STRN: variants seen among roughly 807,000 people sequenced by gnomAD.
STRN encodes the protein striatin, also known as protein phosphatase 2 regulatory subunit B'''alpha.
In STRN, 53 loss-of-function variants were observed where a neutral mutation model predicts 96.3. That is an observed-to-expected ratio of 0.55 (90% CI 0.44 to 0.69). The LOEUF (loss-of-function observed/expected upper bound fraction) is 0.69, where lower values mean the gene tolerates loss of function less well. STRN is among the 30% of genes least tolerant of loss of function. STRN has a pLI of 0.00. For missense variants in STRN, 987 were observed against 963.9 expected, an observed-to-expected ratio of 1.02 and a Z score of -0.32; for synonymous variants, 428 against 355.9, an observed-to-expected ratio of 1.20 and a Z score of -2.28.
Position 36,848,806 on chromosome 2 carries a change from C to A in STRN, c.*650G>T, listed in dbSNP as rs1322346439. The A allele has an allele frequency of 2.0e-5, 3 of 152,484 alleles. No homozygotes were observed. The highest frequency in any genetic ancestry group is 1.5e-5 in the Non-Finnish European group (1 of 68,002). The allele number at this position is 152,484 out of a possible 1,614,324, so 9.4% of individuals were successfully genotyped here. A position where few individuals can be genotyped will look rare whatever the true frequency, so the allele number is the denominator to read the frequency against. On this transcript the variant is annotated 3_prime_UTR_variant, in exon 18 of 18. Coordinates refer to ENST00000263918, the MANE Select transcript of STRN (RefSeq NM_003162.4). ...CAAAACTGTAATACAATATAGAAAT[C>A]TGCTTGCAAACTATTTGTCTAGCAT...
chr2:36,945,602 T>A (rs138902997), intron 1 of STRN, among the ~76,000 whole-genome samples: 12 of 151,812 alleles, frequency 7.9e-5, no homozygotes, highest in Middle Eastern at 3.4e-3. Context: ...AGAGGCAGAG[T>A]TGCAGTGAGC....
chr2:36,926,854 T>C (rs1352979332), intron 1 of STRN, among the ~76,000 whole-genome samples: 1 of 152,180 alleles, frequency 6.6e-6, no homozygotes, highest in Non-Finnish European at 1.5e-5. Context: ...TTATGTTACC[T>C]AACCAGAATA....
chr2:36,876,720 AAATT>A (rs1406620145), intron 10 of STRN, among the ~76,000 whole-genome samples: 3 of 151,396 alleles, frequency 2.0e-5, no homozygotes. Context: ...TTTTTCTAAT[AAATT>A]ATTTATTGTG....
chr2:36,902,428 C>T lies in STRN; in HGVS notation c.659+156G>A, dbSNP rs532846645. ...TAAAATAGTCATAAATAACTCCAATCCTTGTTACCTTCTAACCAAATAAAA... is the reference window on the plus strand; with the variant it reads ...TAAAATAGTCATAAATAACTCCAATTCTTGTTACCTTCTAACCAAATAAAA... On this transcript the variant is annotated intron_variant, in intron 5 of 17. Transcript: ENST00000263918. 2.0e-4 allele frequency among the ~76,000 whole-genome samples: 30 copies of T among 151,922 alleles called. No individual in the cohort carries two copies. In the South Asian group the frequency reaches 6.2e-3, roughly 32 times the overall value.
At chr2:36,857,437 G>A (rs981927953) in intron 14 of STRN, among the ~76,000 whole-genome samples, 1 of 152,048 alleles carries the variant, frequency 6.6e-6, no homozygotes, top group African/African-American at 2.4e-5. Context: ...CACTTCGGGA[G>A]GCTGAGGCAG....
chr2:36,944,909 C>T (rs1670940435), intron 1 of STRN, among the ~76,000 whole-genome samples: 1 of 152,064 alleles, frequency 6.6e-6, no homozygotes, highest in Non-Finnish European at 1.5e-5. Context: ...CTAGATAATG[C>T]CAAGTGTTAG....
intron 8 of STRN, among the ~76,000 whole-genome samples, chr2:36,884,348 T>A (rs1170488637): frequency 2.6e-5 from 4 of 152,194 alleles, no homozygotes; most frequent in Admixed American, 1.3e-4. Flanking sequence ...AAAAATAACA[T>A]TCTTTAGCCA....
chr2:36,952,676 G>C (rs1233901055), intron 1 of STRN, among the ~76,000 whole-genome samples: 1 of 152,148 alleles, frequency 6.6e-6, no homozygotes, highest in Admixed American at 6.5e-5. Flanking sequence ...CTCAATAAAT[G>C]AAACTATTAT....
chr2:36,876,748 A>C (rs931191455), intron 10 of STRN, among the ~76,000 whole-genome samples: 3 of 92,148 alleles, frequency 3.3e-5, no homozygotes, highest in Non-Finnish European at 6.9e-5. Context: ...AGCAATTATA[A>C]ACATTTTTTT....
rs759509285 is a variant in STRN at position 36,877,862 on chromosome 2, AAC to A, written c.1323+27_1323+28del. 35 of 1,611,316 alleles carry A rather than the reference AAC, an allele frequency of 2.2e-5. No individual in the cohort carries two copies. In the East Asian group the frequency reaches 7.8e-4, roughly 36 times the overall value. ...AGTTTTTGTTTTTAAAAACCAAGTA[AAC>A]ACAACAAAAACAAAACTACTACTTA... On this transcript the variant is annotated intron_variant, in intron 10 of 17. Transcript: ENST00000263918.
At chr2:36,954,483 G>T (rs1471107781) in intron 1 of STRN, among the ~76,000 whole-genome samples, 1 of 146,294 alleles carries the variant, frequency 6.8e-6, no homozygotes, top group East Asian at 2.0e-4. Context: ...TTGTACTCCA[G>T]CCTGGGCGAC....
intron 1 of STRN, among the ~76,000 whole-genome samples, chr2:36,956,998 A>C (rs1417371750): frequency 6.6e-6 from 1 of 152,230 alleles, no homozygotes; most frequent in Non-Finnish European, 1.5e-5. Flanking sequence ...ATCTGGCCAA[A>C]ATAAAAGGGA....
Position 36,857,917 on chromosome 2 carries a change from A to T in STRN, c.1776T>A (p.Thr592=). 6.2e-7 allele frequency: 1 copy of T among 1,614,168 alleles called. No individual in the cohort carries two copies. The highest frequency in any genetic ancestry group is 8.5e-7 in the Non-Finnish European group (1 of 1,180,034). ...CCTCAGTTGTATTCCATAAACGCAGAGTGCCATCTGCTGAACAGGACAACA... is the reference window on the plus strand; with the variant it reads ...CCTCAGTTGTATTCCATAAACGCAGTGTGCCATCTGCTGAACAGGACAACA... ...QRLLSCSADG[T]LRLWNTTEVA... is the part of the protein sequence containing the mutation. The change falls in exon 14 of 18, where the codon ACT becomes ACA. Residue 592 remains threonine, a synonymous_variant. Coordinates refer to ENST00000263918, the MANE Select transcript of STRN (RefSeq NM_003162.4).
chr2:36,864,779 C>T (rs1668580297), intron 12 of STRN, among the ~76,000 whole-genome samples: 1 of 152,170 alleles, frequency 6.6e-6, no homozygotes, highest in South Asian at 2.1e-4. Context: ...TGGGTGCGAT[C>T]TCAGCTTACT....
intron 5 of STRN, among the ~76,000 whole-genome samples, chr2:36,901,367 A>G (rs990092563): frequency 1.3e-5 from 2 of 152,132 alleles, no homozygotes; most frequent in African/African-American, 4.8e-5. Flanking sequence ...CCTGGCCAAC[A>G]TGGTGAAACC....
Position 36,867,856 on chromosome 2 carries a change from G to A in STRN, c.1505C>T (p.Thr502Ile), listed in dbSNP as rs374203608. ...LQKTAPAKKS[T>I]SLDVEPIYTF... ...ATAGATAGGTTCTACATCAAGAGAA[G>A]TGCTCCTAAATCAGAGAGAGATGAC... Residue 502 changes from threonine (T) to isoleucine (I), a missense_variant, in exon 12 of 18, where the codon ACT becomes ATT. Thr to Ile is a moderately conservative substitution (Grantham distance 89, BLOSUM62 -1). Coordinates refer to ENST00000263918, the MANE Select transcript of STRN (RefSeq NM_003162.4). 1.5e-5 allele frequency: 24 copies of A among 1,592,036 alleles called. No homozygotes were observed. Among genetic ancestry groups the A allele is most frequent in the Non-Finnish European group, 1.7e-5 (20 of 1,170,912 alleles).
chr2:36,889,321 T>C (rs1360519926), intron 7 of STRN, among the ~76,000 whole-genome samples: 2 of 152,090 alleles, frequency 1.3e-5, no homozygotes, highest in African/African-American at 4.8e-5. Context: ...TAAAAATCAT[T>C]TTAAACAACA....
chr2:36,878,864 T>A (rs1224295568), intron 9 of STRN, among the ~76,000 whole-genome samples: 1 of 152,028 alleles, frequency 6.6e-6, no homozygotes, highest in Non-Finnish European at 1.5e-5. Flanking sequence ...GAAATTCTCC[T>A]GCCTCAGCCT....
intron 1 of STRN, among the ~76,000 whole-genome samples, chr2:36,953,232 C>T (rs1664803535): frequency 6.6e-6 from 1 of 152,118 alleles, no homozygotes; most frequent in Non-Finnish European, 1.5e-5. Context: ...CACCTTAATT[C>T]CAGGGTTCCT....
Sources: allele counts gnomAD v4.1 joint callset (sites outside exome capture counted in the v4.1 genomes callset), GRCh38; gene constraint gnomAD v4.1.1; transcripts MANE v1.5; gene names NCBI Gene and HGNC (gene_info 2026-07-23, HGNC 2026-07-21).